Variants in ANK1 observed in about 807,000 individuals in gnomAD.
ANK1 encodes ankyrin-1.
Under a neutral mutation model 210.4 loss-of-function variants are expected in ANK1, and 51 were observed. That is an observed-to-expected ratio of 0.24 (90% confidence interval 0.19 to 0.31). The LOEUF (loss-of-function observed/expected upper bound fraction) is 0.31, where lower values mean the gene tolerates loss of function less well. ANK1 is among the 10% of genes least tolerant of loss of function. ANK1 has a pLI of 1.00. For synonymous variants in ANK1, 967 were observed against 1,025.9 expected, an observed-to-expected ratio of 0.94 and a Z score of 1.10; for missense variants, 2,051 against 2,504.4, an observed-to-expected ratio of 0.82 and a Z score of 3.86.
At chr8:41,856,516 G>C (rs1159923900) in intron 1 of ANK1, among the ~76,000 whole-genome samples, 1 of 152,164 alleles carries the variant, frequency 6.6e-6, no homozygotes, top group Non-Finnish European at 1.5e-5. Flanking sequence ...AACTCTCTGA[G>C]TCTCAGTTTC....
At chr8:41,711,518 G>T (rs1356092158) in intron 16 of ANK1, among the ~76,000 whole-genome samples, 1 of 152,184 alleles carries the variant, frequency 6.6e-6, no homozygotes, top group African/African-American at 2.4e-5. Context: ...AGTAGGCAAG[G>T]GCTGAGTCAC....
At chr8:41,705,306 G>C (rs146088508) in intron 18 of ANK1, among the ~76,000 whole-genome samples, 93 of 152,326 alleles carry the variant, frequency 6.1e-4, no homozygotes, top group Middle Eastern at 3.4e-3. Context: ...TAACCCACAG[G>C]ACAGGGTCTC....
intron 37 of ANK1, among the ~76,000 whole-genome samples, chr8:41,679,219 G>A (rs1193406034): frequency 6.6e-6 from 1 of 152,198 alleles, no homozygotes; most frequent in African/African-American, 2.4e-5. Context: ...TGGACATTGC[G>A]AATTTTACCT....
At chr8:41,807,686 C>A (rs188183551) in intron 1 of ANK1, among the ~76,000 whole-genome samples, 106 of 152,228 alleles carry the variant, frequency 7.0e-4, no homozygotes, top group African/African-American at 2.5e-3. Context: ...TCTAAGTGCT[C>A]TTGAGATAAT....
At chr8:41,686,943 C>A (rs1435941592) in intron 35 of ANK1, among the ~76,000 whole-genome samples, 1 of 152,116 alleles carries the variant, frequency 6.6e-6, no homozygotes, top group East Asian at 1.9e-4. Context: ...TGGTGAGAAT[C>A]AGAACACGCA....
chr8:41,884,888 G>A (rs1372110815), intron 1 of ANK1, among the ~76,000 whole-genome samples: 2 of 152,064 alleles, frequency 1.3e-5, no homozygotes, highest in African/African-American at 4.8e-5. Flanking sequence ...GTTCCGGAGA[G>A]GGAGCACCCT....
chr8:41,754,395 G>C (rs1838557591), intron 2 of ANK1, among the ~76,000 whole-genome samples: 1 of 152,146 alleles, frequency 6.6e-6, no homozygotes, highest in Non-Finnish European at 1.5e-5. Flanking sequence ...ATACAACAAG[G>C]AACTGCCCTG....
chr8:41,883,538 C>A (rs1384708116), intron 1 of ANK1, among the ~76,000 whole-genome samples: 1 of 152,182 alleles, frequency 6.6e-6, no homozygotes, highest in Admixed American at 6.5e-5. Flanking sequence ...TAGTTCACTG[C>A]AGCCTCAACC....
In ANK1 at chr8:41,727,252, C is replaced by T; in HGVS notation, c.424G>A (p.Glu142Lys). The T allele has an allele frequency of 6.2e-7, 1 of 1,613,686 alleles. No individual in the cohort carries two copies. Among genetic ancestry groups the T allele is most frequent in the Non-Finnish European group, 8.5e-7 (1 of 1,179,552 alleles). ...CGACATTTTTCCAAGGTACTTACTT[C>T]TGTGGCTACATTCTGGTTAGCTCCA... Reference protein sequence around the residue: ...ENGANQNVATEDGFTPLAVAL... With the variant: ...ENGANQNVATKDGFTPLAVAL... Residue 142 changes from glutamate to lysine, a missense_variant and splice_region_variant, in exon 5 of 43, where the codon GAA becomes AAA. Around this residue, in one of 6 missense-constraint regions of ANK1, gnomAD observed 10 missense variants for 36.2 expected, o/e 0.28. Transcript: ENST00000289734.
intron 1 of ANK1, among the ~76,000 whole-genome samples, chr8:41,864,493 C>T (rs937961800): frequency 3.3e-5 from 5 of 152,158 alleles, no homozygotes; most frequent in Non-Finnish European, 5.9e-5. Context: ...TCCCCACTCT[C>T]CCTCATCCCT....
intron 1 of ANK1, among the ~76,000 whole-genome samples, chr8:41,785,430 G>A (rs1195893105): frequency 6.6e-6 from 1 of 152,180 alleles, no homozygotes; most frequent in East Asian, 1.9e-4. Flanking sequence ...TCTGAGTCTA[G>A]GGCCAGCTTG....
intron 35 of ANK1, 107 bp downstream of exon 35, chr8:41,688,048 CA>C: frequency 7.5e-7 from 1 of 1,327,954 alleles, no homozygotes; most frequent in Non-Finnish European, 1.1e-6. Context: ...TCAGATAACC[CA>C]CGGGTGATAA....
At chr8:41,895,586 G>A (rs1201437687) in intron 1 of ANK1, among the ~76,000 whole-genome samples, 1 of 152,142 alleles carries the variant, frequency 6.6e-6, no homozygotes, top group Non-Finnish European at 1.5e-5. Flanking sequence ...AAATACCCGG[G>A]ATGTCTGCCC....
At chr8:41,858,866 GT>G (rs1280605816) in intron 1 of ANK1, among the ~76,000 whole-genome samples, 6 of 152,376 alleles carry the variant, frequency 3.9e-5, no homozygotes, top group African/African-American at 1.4e-4. Flanking sequence ...CATTACCTGT[GT>G]TTGGAATGGG....
Position 41,719,544 on chromosome 8 carries a change from G to A in ANK1, c.1107+117C>T, listed in dbSNP as rs531191756. On this transcript the variant is annotated intron_variant, in intron 10 of 42. Coordinates refer to ENST00000289734, the MANE Select transcript of ANK1 (RefSeq NM_000037.4). ...TGTCACACCCCACTGCTCAGGCCTC[G>A]AATCTGGGGAGCTCCGGGCACCTGC... 1.3e-5 allele frequency: 18 copies of A among 1,374,516 alleles called. 1 individual carries two copies. Among genetic ancestry groups the A allele is most frequent in the South Asian group, 1.2e-4 (10 of 85,310 alleles). 85.1% of individuals were successfully genotyped at this position (1,374,516 alleles called of 1,614,324 possible). A position where few individuals can be genotyped will look rare whatever the true frequency, so the allele number is the denominator to read the frequency against.
At chr8:41,677,045 A>G (rs1022054061) in intron 37 of ANK1, among the ~76,000 whole-genome samples, 3 of 152,034 alleles carry the variant, frequency 2.0e-5, no homozygotes, top group African/African-American at 4.8e-5. Flanking sequence ...GGCTATATCT[A>G]TTTCTTCCTA....
In ANK1 at chr8:41,690,469, G is replaced by A. The variant is rs377649925; in HGVS notation, c.3984+5C>T. ...GAGGAGAACTCAGCCAGAGGGTGCC[G>A]GCACCTTTACAGGCATGGCCAGACG... On this transcript the variant is annotated splice_donor_5th_base_variant and intron_variant, in intron 32 of 42. Coordinates refer to ENST00000289734, the MANE Select transcript of ANK1 (RefSeq NM_000037.4). 3.4e-5 allele frequency: 55 copies of A among 1,614,044 alleles called. No individual in the cohort carries two copies. Among genetic ancestry groups the A allele is most frequent in the Middle Eastern group, 1.6e-4 (1 of 6,084 alleles).
At chr8:41,842,928 C>T (rs907908304) in intron 1 of ANK1, among the ~76,000 whole-genome samples, 1 of 152,172 alleles carries the variant, frequency 6.6e-6, no homozygotes, top group African/African-American at 2.4e-5. Flanking sequence ...CTCACTGCAA[C>T]CTCAGCCTCC....
chr8:41,858,413 T>C (rs1812620483), intron 1 of ANK1, among the ~76,000 whole-genome samples: 1 of 150,824 alleles, frequency 6.6e-6, no homozygotes, highest in African/African-American at 2.4e-5. Context: ...GCCCAAATCA[T>C]CTACCCAAGC....
Sources: allele counts gnomAD v4.1 joint callset (sites outside exome capture counted in the v4.1 genomes callset), GRCh38; gene constraint gnomAD v4.1.1; regional missense constraint gnomAD v4.1.1; transcripts MANE v1.5; gene names NCBI Gene and HGNC (gene_info 2026-07-23, HGNC 2026-07-21).